Variants in B3GALT1 observed in about 807,000 individuals in gnomAD.
B3GALT1 encodes the protein beta-1,3-galactosyltransferase 1.
B3GALT1 carries 10 observed loss-of-function variants against 23.2 expected under a neutral mutation model. The observed-to-expected ratio is 0.43, with a 90% CI of 0.27 to 0.73. The LOEUF (loss-of-function observed/expected upper bound fraction) is 0.73, where lower values mean the gene tolerates loss of function less well. B3GALT1 is among the 30% of genes least tolerant of loss of function. B3GALT1 has a pLI of 0.21. For synonymous variants in B3GALT1, 156 were observed against 141.5 expected (o/e 1.10, Z -0.73); for missense variants, 299 against 405.4 (o/e 0.74, Z 2.25).
At chr2:167,480,119 A>T (rs1342643700) in intron 1 of B3GALT1, among the ~76,000 whole-genome samples, 1 of 152,042 alleles carries the variant, frequency 6.6e-6, no homozygotes, top group Non-Finnish European at 1.5e-5. Flanking sequence ...TGAAGCTATA[A>T]ATCTTGTGAC....
At chr2:167,584,484 A>G (rs1014177480) in intron 2 of B3GALT1, among the ~76,000 whole-genome samples, 2 of 152,152 alleles carry the variant, frequency 1.3e-5, no homozygotes, top group African/African-American at 4.8e-5. Context: ...CTCCCTACCA[A>G]GCAAGCAATT....
chr2:167,484,276 T>C (rs1699595806), intron 1 of B3GALT1, among the ~76,000 whole-genome samples: 1 of 152,108 alleles, frequency 6.6e-6, no homozygotes, highest in African/African-American at 2.4e-5. Flanking sequence ...CCAGGTACTG[T>C]ACTAAGTACT....
chr2:167,410,062 T>C (rs1698366690), intron 1 of B3GALT1, among the ~76,000 whole-genome samples: 1 of 151,890 alleles, frequency 6.6e-6, no homozygotes, highest in South Asian at 2.1e-4. Context: ...ATGAAGAAAA[T>C]GTGGCACATA....
intron 1 of B3GALT1, among the ~76,000 whole-genome samples, chr2:167,406,051 A>C (rs1032098681): frequency 4.6e-5 from 7 of 152,136 alleles, no homozygotes; most frequent in African/African-American, 1.7e-4. Flanking sequence ...TTTTAACATA[A>C]TTGAAATATT....
chr2:167,783,028 C>T (rs937391777), intron 3 of B3GALT1, among the ~76,000 whole-genome samples: 5 of 152,004 alleles, frequency 3.3e-5, no homozygotes, highest in Non-Finnish European at 7.4e-5. Context: ...TATGGTGAAT[C>T]GGCAGAGAAC....
At chr2:167,655,609 A>G (rs574072860) in intron 3 of B3GALT1, among the ~76,000 whole-genome samples, 197 of 152,306 alleles carry the variant, frequency 1.3e-3, no homozygotes, top group Non-Finnish European at 2.5e-3. Context: ...GTGAGAATTC[A>G]TTTAAAATTG....
At chr2:167,593,772 C>T (rs1410090898) in intron 2 of B3GALT1, among the ~76,000 whole-genome samples, 1 of 152,094 alleles carries the variant, frequency 6.6e-6, no homozygotes, top group African/African-American at 2.4e-5. Context: ...TTCCACAACA[C>T]GGAGCTCAGT....
chr2:167,658,790 A>C (rs555133384), intron 3 of B3GALT1, among the ~76,000 whole-genome samples: 2 of 152,106 alleles, frequency 1.3e-5, no homozygotes, highest in Admixed American at 6.6e-5. Flanking sequence ...ATAGTGTACA[A>C]TATGACATAT....
intron 1 of B3GALT1, among the ~76,000 whole-genome samples, chr2:167,398,322 T>A (rs1698128505): frequency 1.3e-5 from 2 of 152,094 alleles, no homozygotes; most frequent in Admixed American, 1.3e-4. Flanking sequence ...GAAACAATAT[T>A]TGATTTGTTT....
intron 2 of B3GALT1, among the ~76,000 whole-genome samples, chr2:167,605,090 C>G (rs1453632533): frequency 6.6e-6 from 1 of 152,212 alleles, no homozygotes; most frequent in African/African-American, 2.4e-5. Context: ...AAAGCGCCTA[C>G]TTCCCTATCC....
intron 2 of B3GALT1, among the ~76,000 whole-genome samples, chr2:167,502,979 C>A (rs1019056975): frequency 5.9e-5 from 9 of 152,048 alleles, no homozygotes; most frequent in Admixed American, 2.6e-4. Flanking sequence ...GCAGAGGTTG[C>A]AGTGAGCCGA....
intron 2 of B3GALT1, among the ~76,000 whole-genome samples, chr2:167,510,410 T>TTG (rs1285359135): frequency 1.0e-4 from 15 of 144,496 alleles, no homozygotes; most frequent in African/African-American, 3.2e-4. Context: ...AAGTTTTGTT[T>TTG]TTTTTTTTTT....
At chr2:167,653,137 C>G (rs1214070410) in intron 3 of B3GALT1, among the ~76,000 whole-genome samples, 1 of 151,010 alleles carries the variant, frequency 6.6e-6, no homozygotes, top group Admixed American at 6.6e-5. Flanking sequence ...AGTAAAAGCA[C>G]ATAAAGAAGA....
At chr2:167,678,344 C>G (rs955890501) in intron 3 of B3GALT1, among the ~76,000 whole-genome samples, 7 of 152,124 alleles carry the variant, frequency 4.6e-5, no homozygotes, top group Non-Finnish European at 5.9e-5. Context: ...GATAGTGTCC[C>G]CATTTTACAG....
intron 2 of B3GALT1, among the ~76,000 whole-genome samples, chr2:167,563,915 C>CCA (rs1257928759): frequency 1.6e-5 from 2 of 126,130 alleles, no homozygotes; most frequent in African/African-American, 6.1e-5. Context: ...CCGATCCCCC[C>CCA]ACCTCCCTCC....
At chr2:167,528,053 C>T (rs1683251886) in intron 2 of B3GALT1, among the ~76,000 whole-genome samples, 1 of 152,062 alleles carries the variant, frequency 6.6e-6, no homozygotes, top group Non-Finnish European at 1.5e-5. Flanking sequence ...TGCAATATAC[C>T]ATCAAGAGAT....
At chr2:167,332,106 C>T (rs1477813133) in intron 1 of B3GALT1, among the ~76,000 whole-genome samples, 1 of 152,104 alleles carries the variant, frequency 6.6e-6, no homozygotes, top group Admixed American at 6.5e-5. Context: ...AGTGACTTTT[C>T]ATGGTTTCCA....
At chr2:167,307,039 T>G (rs1696562631) in intron 1 of B3GALT1, among the ~76,000 whole-genome samples, 1 of 151,992 alleles carries the variant, frequency 6.6e-6, no homozygotes. Flanking sequence ...ATTCTGCATA[T>G]TTCATTGAAA....
chr2:167,495,005 G>C (rs923807627), intron 2 of B3GALT1, among the ~76,000 whole-genome samples: 2 of 152,152 alleles, frequency 1.3e-5, no homozygotes, highest in Non-Finnish European at 2.9e-5. Flanking sequence ...AGGAATTTCT[G>C]TAATGTATAT....
Sources: gnomAD v4.1 joint callset for allele counts (sites outside exome capture counted in the v4.1 genomes callset) on GRCh38, gnomAD v4.1.1 for gene constraint, MANE v1.5 for transcripts, NCBI Gene and HGNC (gene_info 2026-07-23, HGNC 2026-07-21) for gene names.